The following PDE11A variants were observed in gnomAD, a reference collection of about 807,000 sequenced individuals.
PDE11A encodes phosphodiesterase 11A, also known as dual 3',5'-cyclic-AMP and -GMP phosphodiesterase 11A.
PDE11A carries 100 observed loss-of-function variants against 100.5 expected under a neutral mutation model. The ratio of observed to expected loss-of-function variants is 1.00; its 90% CI spans 0.85 to 1.18. PDE11A has a LOEUF of 1.18. Among genes scored for constraint, PDE11A ranks in the 50% most tolerant of loss-of-function variants. The probability of loss-of-function intolerance (pLI) is 0.00; values close to 1 mark genes in which losing one functional copy is unlikely to be tolerated. For synonymous variants in PDE11A, 381 were observed against 420.8 expected (o/e 0.91, Z 1.16); for missense variants, 1,141 against 1,152.6 (o/e 0.99, Z 0.15).
At chr2:178,075,551 CA>C (rs397756518), upstream of PDE11A, among the ~76,000 whole-genome samples, 302 of 47,810 alleles carry the variant, frequency 6.3e-3, no homozygotes, top group South Asian at 0.031. Context: ...GACTCTGTCT[CA>C]AAAAAAAAAA....
intron 2 of PDE11A, among the ~76,000 whole-genome samples, chr2:178,001,441 T>C (rs1317948601): frequency 6.6e-6 from 1 of 152,112 alleles, no homozygotes; most frequent in Non-Finnish European, 1.5e-5. Context: ...CTGCCTTCAA[T>C]AGCATGGGGC....
chr2:177,950,355 G>T (rs1255332402), intron 2 of PDE11A, among the ~76,000 whole-genome samples: 8 of 151,632 alleles, frequency 5.3e-5, no homozygotes, highest in Non-Finnish European at 8.8e-5. Flanking sequence ...ACTCACTTTT[G>T]CTTAGTTATT....
At position 177,653,860 on chromosome 2, in the gene PDE11A, T is replaced by C. The variant is rs560092700; in HGVS notation, c.2646+10006A>G. 2.0e-5 allele frequency among the ~76,000 whole-genome samples: 3 copies of C among 152,308 alleles called. No homozygotes were observed. In the South Asian group the frequency reaches 6.2e-4, roughly 32 times the overall value. On this transcript the variant is annotated intron_variant, in intron 19 of 19. Transcript: ENST00000286063. ...TTACAGCAGCCCTCGGAAACTAACA[T>C]ATCCACCCTTGGCTGTTCCTAACTC...
intron 9 of PDE11A, among the ~76,000 whole-genome samples, chr2:177,805,889 G>A (rs2082861771): frequency 6.6e-6 from 1 of 152,144 alleles, no homozygotes; most frequent in South Asian, 2.1e-4. Context: ...CTGTCAAAGA[G>A]TGAATGTGAG....
chr2:177,903,461 C>T (rs1021113404), intron 3 of PDE11A, among the ~76,000 whole-genome samples: 1 of 152,004 alleles, frequency 6.6e-6, no homozygotes, highest in Admixed American at 6.5e-5. Flanking sequence ...TAGTAAGCTC[C>T]GTAAGGGTAG....
intron 2 of PDE11A, among the ~76,000 whole-genome samples, chr2:177,937,119 C>T (rs1169340624): frequency 6.6e-6 from 1 of 152,020 alleles, no homozygotes; most frequent in Non-Finnish European, 1.5e-5. Flanking sequence ...TTTTACAGCA[C>T]TCTAATTAGA....
chr2:177,833,766 G>A (rs1196155950), intron 6 of PDE11A, among the ~76,000 whole-genome samples: 1 of 152,198 alleles, frequency 6.6e-6, no homozygotes, highest in Non-Finnish European at 1.5e-5. Flanking sequence ...CTGAGCTATT[G>A]AGAAATTTAG....
intron 12 of PDE11A, among the ~76,000 whole-genome samples, chr2:177,714,093 A>T (rs1312906980): frequency 7.5e-6 from 1 of 133,548 alleles, no homozygotes; most frequent in African/African-American, 2.8e-5. Flanking sequence ...TCCCAGGTTC[A>T]TGCCATTCTC....
At chr2:177,835,214 G>A (rs576423747) in intron 6 of PDE11A, among the ~76,000 whole-genome samples, 6 of 152,294 alleles carry the variant, frequency 3.9e-5, no homozygotes, top group African/African-American at 1.4e-4. Flanking sequence ...TCTGCCTCAT[G>A]TACCCCATAT....
chr2:177,859,246 A>G (rs1374504414), intron 5 of PDE11A, among the ~76,000 whole-genome samples: 1 of 152,054 alleles, frequency 6.6e-6, no homozygotes, highest in Non-Finnish European at 1.5e-5. Flanking sequence ...ATAATAAAAA[A>G]ATAAAATAAA....
intron 6 of PDE11A, among the ~76,000 whole-genome samples, chr2:177,831,409 T>C (rs567115440): frequency 6.6e-6 from 1 of 152,348 alleles, no homozygotes; most frequent in Non-Finnish European, 1.5e-5. Context: ...TTTATCAAGA[T>C]AGGAAAGACA....
At chr2:177,825,399 G>A (rs1257185876) in intron 6 of PDE11A, among the ~76,000 whole-genome samples, 1 of 152,158 alleles carries the variant, frequency 6.6e-6, no homozygotes, top group Non-Finnish European at 1.5e-5. Flanking sequence ...AGGTGGGAGA[G>A]GAGAACAAGG....
chr2:177,791,455 T>C lies in PDE11A; in HGVS notation c.1738-22082A>G, dbSNP rs2082631262. 2.0e-5 allele frequency among the ~76,000 whole-genome samples: 3 copies of C among 148,306 alleles called. No individual in the cohort carries two copies. The South Asian group carries it at 6.5e-4, about 32-fold the overall frequency. Reference sequence around the variant, plus strand: ...TAATGTTAAATGACGAGTTAATGGGTGCAGCACACCAGCATGGCACATGTA... The same window carrying C: ...TAATGTTAAATGACGAGTTAATGGGCGCAGCACACCAGCATGGCACATGTA... On this transcript the variant is annotated intron_variant, in intron 9 of 19. Transcript: ENST00000286063.
intron 5 of PDE11A, among the ~76,000 whole-genome samples, chr2:177,863,970 A>G (rs1307521184): frequency 6.6e-6 from 1 of 152,132 alleles, no homozygotes; most frequent in Non-Finnish European, 1.5e-5. Context: ...GGATAAAGAT[A>G]TTGAATATTA....
intron 4 of PDE11A, among the ~76,000 whole-genome samples, chr2:177,889,473 T>C (rs1168740164): frequency 1.3e-5 from 2 of 151,632 alleles, no homozygotes; most frequent in Non-Finnish European, 2.9e-5. Context: ...CCTAGTGTTA[T>C]AATTTTGAAT....
intron 1 of PDE11A, among the ~76,000 whole-genome samples, chr2:178,021,980 G>A (rs865799583): frequency 6.6e-6 from 1 of 152,168 alleles, no homozygotes; most frequent in African/African-American, 2.4e-5. Flanking sequence ...CTAGTAACTA[G>A]GTGTAGAATT....
intron 1 of PDE11A, among the ~76,000 whole-genome samples, chr2:178,031,633 A>C (rs1008532504): frequency 1.2e-4 from 19 of 152,058 alleles, no homozygotes; most frequent in African/African-American, 4.3e-4. Flanking sequence ...GTGAAAACTA[A>C]AAAAAAGACT....
intron 1 of PDE11A, among the ~76,000 whole-genome samples, chr2:178,069,242 C>T (rs1230436298): frequency 6.6e-6 from 1 of 151,964 alleles, no homozygotes; most frequent in Non-Finnish European, 1.5e-5. Context: ...GTATTATTGT[C>T]CCCATTTTAT....
In PDE11A at chr2:177,774,266, C is replaced by T. The variant is rs184212645; in HGVS notation, c.1738-4893G>A. On this transcript the variant is annotated intron_variant, in intron 9 of 19. Coordinates refer to ENST00000286063, the MANE Select transcript of PDE11A (RefSeq NM_016953.4). ...AAGCATCTACACATGCTATTGTGGT[C>T]ACATAGGACTTTTCCCCATCACCTA... 4.9e-4 allele frequency among the ~76,000 whole-genome samples: 74 copies of T among 152,292 alleles called. 1 individual carries two copies. The East Asian group carries it at 0.01, about 21-fold the overall frequency.
Sources: allele counts gnomAD v4.1 joint callset (sites outside exome capture counted in the v4.1 genomes callset), GRCh38; gene constraint gnomAD v4.1.1; transcripts MANE v1.5; gene names NCBI Gene and HGNC (gene_info 2026-07-23, HGNC 2026-07-21).